The following GPR158 variants were observed in gnomAD, a reference collection of about 807,000 sequenced individuals.
GPR158 encodes G protein-coupled receptor 158.
A neutral mutation model predicts 78.2 loss-of-function variants in GPR158; 30 were observed. The observed-to-expected ratio is 0.38, with a 90% CI of 0.29 to 0.52. The LOEUF (loss-of-function observed/expected upper bound fraction) is 0.52, where lower values mean the gene tolerates loss of function less well. GPR158 is among the 20% of genes least tolerant of loss of function. The pLI is 0.83. For synonymous variants in GPR158, 581 were observed against 591.1 expected (o/e 0.98, Z 0.25); for missense variants, 1,463 against 1,523.5 (o/e 0.96, Z 0.66).
intron 2 of GPR158, among the ~76,000 whole-genome samples, chr10:25,325,597 A>G (rs1325930948): frequency 6.6e-6 from 1 of 152,214 alleles, no homozygotes; most frequent in Non-Finnish European, 1.5e-5. Context: ...TCTCTTCAGC[A>G]TACTGATTTA....
At chr10:25,398,387 C>T (rs190354774) in intron 3 of GPR158, among the ~76,000 whole-genome samples, 55 of 152,184 alleles carry the variant, frequency 3.6e-4, no homozygotes, top group Non-Finnish European at 5.6e-4. Context: ...GCATTTTTCA[C>T]GTTTATGGTC....
At chr10:25,459,188 G>T (rs1835327000) in intron 4 of GPR158, among the ~76,000 whole-genome samples, 1 of 151,810 alleles carries the variant, frequency 6.6e-6, no homozygotes, top group African/African-American at 2.4e-5. Context: ...TGTTTGTCAG[G>T]TTTCATATGA....
rs375709597 is a variant in GPR158 at position 25,599,313 on chromosome 10, T to A, written c.*39T>A. 4.9e-6 allele frequency: 7 copies of A among 1,419,718 alleles called. No individual in the cohort carries two copies. Among genetic ancestry groups the A allele is most frequent in the African/African-American group, 2.9e-5 (2 of 69,102 alleles). The allele number at this position is 1,419,718 out of a possible 1,614,324, so 87.9% of individuals were successfully genotyped here. ...AAGAGGAAAAGGAGGGAACCCCGGA[T>A]TGGATATGAGACAGAAGATATAAGA... On this transcript the variant is annotated 3_prime_UTR_variant, in exon 11 of 11. Transcript: ENST00000376351.
chr10:25,464,068 A>C (rs1407554651), intron 4 of GPR158, among the ~76,000 whole-genome samples: 1 of 152,180 alleles, frequency 6.6e-6, no homozygotes, highest in Non-Finnish European at 1.5e-5. Context: ...TTATTATGGA[A>C]CCACTTGTCA....
chr10:25,369,688 G>C (rs10764529), intron 2 of GPR158, among the ~76,000 whole-genome samples: 99,373 of 150,820 alleles, frequency 0.66, 33,807 homozygotes, highest in Non-Finnish European at 0.75. Context: ...CTCATAAAAT[G>C]AGTTAGGGAG....
chr10:25,356,955 T>C lies in GPR158; in HGVS notation c.1009-38956T>C, dbSNP rs188466938. 5.6e-4 allele frequency among the ~76,000 whole-genome samples: 85 copies of C among 152,176 alleles called. 1 individual carries two copies. In the East Asian group the frequency reaches 0.016, roughly 28 times the overall value. ...TTGGAATTCCCTAGAGACTTGTTGA[T>C]TGGCTTTGACCAAAATGCTAATAAT... On this transcript the variant is annotated intron_variant, in intron 2 of 10. Coordinates refer to ENST00000376351, the MANE Select transcript of GPR158 (RefSeq NM_020752.3).
chr10:25,403,740 A>C (rs1395007511), intron 3 of GPR158, among the ~76,000 whole-genome samples: 1 of 152,032 alleles, frequency 6.6e-6, no homozygotes, highest in Admixed American at 6.6e-5. Flanking sequence ...AGCACCTTGA[A>C]AAATACTACT....
Position 25,256,745 on chromosome 10 carries a change from T to C in GPR158, c.1008+35588T>C, listed in dbSNP as rs188275688. The stretch of plus-strand genomic sequence containing the variant: ...ATAGTATGCTTTAGTTGTCCTCCTT[T>C]GTTGTCCTGTTCCTTCCCTAATTAA... On this transcript the variant is annotated intron_variant, in intron 2 of 10. Coordinates refer to ENST00000376351, the MANE Select transcript of GPR158 (RefSeq NM_020752.3). Among the ~76,000 whole-genome samples the C allele has an allele frequency of 1.4e-3, 220 of 152,250 alleles. 5 individuals are homozygous for C. The highest frequency in any genetic ancestry group is 0.014 in the Admixed American group (213 of 15,278).
chr10:25,225,721 A>T (rs1315776111), intron 2 of GPR158, among the ~76,000 whole-genome samples: 1 of 152,148 alleles, frequency 6.6e-6, no homozygotes, highest in African/African-American at 2.4e-5. Context: ...CACTCCAGTC[A>T]TTGGTCTTAT....
intron 5 of GPR158, among the ~76,000 whole-genome samples, chr10:25,532,918 TTTC>T: frequency 6.6e-6 from 1 of 152,296 alleles, no homozygotes; most frequent in Admixed American, 6.5e-5. Context: ...GTTCTGCAGC[TTTC>T]TTTTTATTTA....
intron 7 of GPR158, among the ~76,000 whole-genome samples, chr10:25,585,467 G>T (rs1837254744): frequency 6.6e-6 from 1 of 152,150 alleles, no homozygotes; most frequent in Non-Finnish European, 1.5e-5. Flanking sequence ...ATGTTGGGTG[G>T]TATTCTCTGC....
chr10:25,273,424 A>G (rs376673020), intron 2 of GPR158, among the ~76,000 whole-genome samples: 100 of 135,378 alleles, frequency 7.4e-4, no homozygotes, highest in African/African-American at 2.5e-3. Context: ...TTTTTTGCAC[A>G]TATAACATGA....
rs535648078 is a variant in GPR158 at position 25,225,921 on chromosome 10, CAAAG to C, written c.1008+4769_1008+4772del. On this transcript the variant is annotated intron_variant, in intron 2 of 10. Transcript: ENST00000376351. ...AGAAGAGGAATAGAATGCAAAGATT[CAAAG>C]AAAGCAGAAAAACCCTCTTACATAC... is the stretch of plus-strand genomic sequence containing the variant. Among the ~76,000 whole-genome samples the C allele has an allele frequency of 1.2e-4, 18 of 152,210 alleles. No homozygotes were observed. The East Asian group carries it at 3.5e-3, about 29-fold the overall frequency.
chr10:25,523,697 A>G (rs1240780459), intron 5 of GPR158, among the ~76,000 whole-genome samples: 1 of 152,206 alleles, frequency 6.6e-6, no homozygotes, highest in Non-Finnish European at 1.5e-5. Context: ...AAGATCAACA[A>G]GGAAACAGTA....
intron 4 of GPR158, among the ~76,000 whole-genome samples, chr10:25,441,500 C>CA (rs1835067473): frequency 6.6e-6 from 1 of 152,206 alleles, no homozygotes. Context: ...AATGAAGTCT[C>CA]ATGTGCTTGG....
chr10:25,518,350 G>T (rs1836212039), intron 5 of GPR158, among the ~76,000 whole-genome samples: 1 of 85,742 alleles, frequency 1.2e-5, no homozygotes, highest in Non-Finnish European at 2.2e-5. Context: ...TTTTTTGAAG[G>T]GTTTTTTGTG....
chr10:25,471,954 C>T (rs1169470524), intron 5 of GPR158, among the ~76,000 whole-genome samples: 1 of 152,144 alleles, frequency 6.6e-6, no homozygotes, highest in Non-Finnish European at 1.5e-5. Context: ...TGTGCAGAAG[C>T]CCTTTAGTTT....
At chr10:25,201,049 T>G (rs895394757) in intron 1 of GPR158, among the ~76,000 whole-genome samples, 1 of 152,084 alleles carries the variant, frequency 6.6e-6, no homozygotes, top group Non-Finnish European at 1.5e-5. Context: ...ATAATGTCAT[T>G]GGTAGTTTGA....
At chr10:25,322,100 C>T (rs552419933) in intron 2 of GPR158, among the ~76,000 whole-genome samples, 41 of 152,002 alleles carry the variant, frequency 2.7e-4, no homozygotes, top group African/African-American at 8.9e-4. Flanking sequence ...ATCACAGATA[C>T]GGCCAGGCGC....
Sources: allele counts gnomAD v4.1 joint callset (sites outside exome capture counted in the v4.1 genomes callset), GRCh38; gene constraint gnomAD v4.1.1; transcripts MANE v1.5; gene names NCBI Gene and HGNC (gene_info 2026-07-23, HGNC 2026-07-21).